NRG1: variants seen among roughly 807,000 people sequenced by gnomAD.
NRG1 encodes neuregulin 1, also known as pro-neuregulin-1, membrane-bound isoform.
NRG1 carries 18 observed loss-of-function variants against 63.8 expected under a neutral mutation model. That is an observed-to-expected ratio of 0.28 (90% confidence interval 0.19 to 0.42). NRG1 has a LOEUF of 0.42. NRG1 is among the 10% of genes least tolerant of loss of function. NRG1 has a pLI of 1.00. For missense variants in NRG1, 762 were observed against 814.7 expected (o/e 0.94, Z 0.79); for synonymous variants, 302 against 301.3 (o/e 1.00, Z -0.02).
chr8:32,197,969 C>T (rs1002594315), intron 1 of NRG1, among the ~76,000 whole-genome samples: 7 of 150,658 alleles, frequency 4.6e-5, no homozygotes, highest in African/African-American at 1.5e-4. Context: ...CACACACACG[C>T]ATGCACGCGC....
chr8:32,573,484 CAT>C lies in NRG1; in HGVS notation c.101-22342_101-22341del, dbSNP rs2129529137. 1.3e-5 allele frequency among the ~76,000 whole-genome samples: 2 copies of C among 152,322 alleles called. 1 individual carries two copies. The highest frequency in any genetic ancestry group is 4.1e-4 in the South Asian group (2 of 4,830). The stretch of plus-strand genomic sequence containing the variant: ...AGATACTATTATCCCAATATCCTGA[CAT>C]AAAATATATATCCTTACCATTTGCT... On this transcript the variant is annotated intron_variant, in intron 1 of 11. Coordinates refer to ENST00000356819, the Ensembl canonical transcript of NRG1.
intron 1 of NRG1, among the ~76,000 whole-genome samples, chr8:32,018,853 C>T (rs1298381616): frequency 1.3e-5 from 2 of 152,216 alleles, no homozygotes; most frequent in Admixed American, 1.3e-4. Context: ...TTTATATTCT[C>T]ACTGACAATG....
intron 1 of NRG1, among the ~76,000 whole-genome samples, chr8:32,430,670 T>C (rs190357016): frequency 6.6e-6 from 1 of 152,286 alleles, no homozygotes; most frequent in Non-Finnish European, 1.5e-5. Flanking sequence ...GATTAAATGG[T>C]GAAGCAGCTA....
intron 1 of NRG1, among the ~76,000 whole-genome samples, chr8:32,298,166 A>G (rs1341875427): frequency 6.6e-6 from 1 of 152,230 alleles, no homozygotes; most frequent in Non-Finnish European, 1.5e-5. Context: ...TATTTCTGCA[A>G]TTATTATTCA....
chr8:31,834,200 A>G (rs1019669431), intron 1 of NRG1, among the ~76,000 whole-genome samples: 3 of 152,068 alleles, frequency 2.0e-5, no homozygotes, highest in Non-Finnish European at 4.4e-5. Flanking sequence ...GCATCAGCCA[A>G]CCACATGATG....
At chr8:32,394,455 A>G (rs1812186277) in intron 1 of NRG1, among the ~76,000 whole-genome samples, 1 of 152,164 alleles carries the variant, frequency 6.6e-6, no homozygotes, top group African/African-American at 2.4e-5. Context: ...GCACAACCAA[A>G]CAGGACTGAC....
chr8:31,956,924 G>T (rs1431043123), intron 1 of NRG1, among the ~76,000 whole-genome samples: 1 of 152,060 alleles, frequency 6.6e-6, no homozygotes, highest in East Asian at 1.9e-4. Flanking sequence ...GGATAAATGA[G>T]GTTTGGAGAA....
intron 1 of NRG1, among the ~76,000 whole-genome samples, chr8:31,960,538 C>T (rs1805275430): frequency 6.6e-6 from 1 of 152,228 alleles, no homozygotes; most frequent in African/African-American, 2.4e-5. Context: ...TTATTCTGCT[C>T]TTCTGAGTCA....
At chr8:32,106,972 C>T (rs1205595116) in intron 1 of NRG1, among the ~76,000 whole-genome samples, 1 of 152,132 alleles carries the variant, frequency 6.6e-6, no homozygotes, top group Non-Finnish European at 1.5e-5. Flanking sequence ...CCTGTAATCC[C>T]AGTACTTTGC....
At chr8:32,681,319 A>G (rs1177989126) in intron 5 of NRG1, among the ~76,000 whole-genome samples, 1 of 152,160 alleles carries the variant, frequency 6.6e-6, no homozygotes, top group Non-Finnish European at 1.5e-5. Flanking sequence ...AAGGTTCTTT[A>G]CGTGTTCTTC....
chr8:32,653,895 T>C (rs1397773304), intron 5 of NRG1, among the ~76,000 whole-genome samples: 1 of 152,206 alleles, frequency 6.6e-6, no homozygotes, highest in Non-Finnish European at 1.5e-5. Context: ...TGAGTGAAGT[T>C]AATCCTCATC....
At chr8:32,486,177 C>T (rs1281669132) in intron 1 of NRG1, among the ~76,000 whole-genome samples, 2 of 152,074 alleles carry the variant, frequency 1.3e-5, no homozygotes, top group African/African-American at 4.8e-5. Flanking sequence ...AGGGATCTGC[C>T]CACTTCGGCC....
At chr8:32,476,615 G>A (rs1280978377) in intron 1 of NRG1, among the ~76,000 whole-genome samples, 1 of 152,202 alleles carries the variant, frequency 6.6e-6, no homozygotes, top group Non-Finnish European at 1.5e-5. Flanking sequence ...GAAATTATAT[G>A]TTGGGTAGAA....
intron 5 of NRG1, among the ~76,000 whole-genome samples, chr8:32,724,891 G>T (rs1290190760): frequency 6.6e-6 from 1 of 152,150 alleles, no homozygotes; most frequent in Non-Finnish European, 1.5e-5. Context: ...TTCAGGTAAT[G>T]ATCTAAGAAT....
At chr8:32,192,300 C>T (rs1419382094) in intron 1 of NRG1, 5 of 152,508 alleles carry the variant, frequency 3.3e-5, no homozygotes, top group Admixed American at 2.0e-4. Flanking sequence ...CTCACATGCT[C>T]ATCATAGCAC....
At chr8:32,508,463 T>C (rs1347170521) in intron 1 of NRG1, among the ~76,000 whole-genome samples, 2 of 151,606 alleles carry the variant, frequency 1.3e-5, no homozygotes, top group African/African-American at 4.8e-5. Context: ...GCTAGTTTTT[T>C]TTTTTTTGTA....
At chr8:32,518,837 G>A (rs1830075929) in intron 1 of NRG1, among the ~76,000 whole-genome samples, 1 of 152,126 alleles carries the variant, frequency 6.6e-6, no homozygotes, top group African/African-American at 2.4e-5. Context: ...AAGATCAGAT[G>A]GCATAGTAAT....
At chr8:31,798,077 G>A (rs1821408083) in intron 1 of NRG1, among the ~76,000 whole-genome samples, 1 of 152,164 alleles carries the variant, frequency 6.6e-6, no homozygotes, top group Non-Finnish European at 1.5e-5. Flanking sequence ...AAGGAAAGGA[G>A]AGGAGAGGTT....
At chr8:32,694,590 G>A (rs1324237551) in intron 5 of NRG1, among the ~76,000 whole-genome samples, 1 of 152,084 alleles carries the variant, frequency 6.6e-6, no homozygotes, top group Non-Finnish European at 1.5e-5. Flanking sequence ...AAACAACTAT[G>A]AAGACCCACA....
Sources: gnomAD v4.1 joint callset for allele counts (sites outside exome capture counted in the v4.1 genomes callset) on GRCh38, gnomAD v4.1.1 for gene constraint, MANE v1.5 for transcripts, NCBI Gene and HGNC (gene_info 2026-07-23, HGNC 2026-07-21) for gene names.